HMCN2: variants seen among roughly 807,000 people sequenced by gnomAD.
HMCN2 encodes hemicentin 2.
HMCN2 carries 325 observed loss-of-function variants against 377.5 expected under a neutral mutation model. The observed-to-expected ratio is 0.86, with a 90% CI of 0.79 to 0.94. The LOEUF is 0.94. Among genes scored for constraint, HMCN2 ranks in the 40% least tolerant of loss-of-function variants. HMCN2 has a pLI of 0.00. For missense variants in HMCN2, 4,543 were observed against 4,725.3 expected, an observed-to-expected ratio of 0.96 and a Z score of 1.13; for synonymous variants, 2,007 against 2,046.8, an observed-to-expected ratio of 0.98 and a Z score of 0.53.
intron 25 of HMCN2, among the ~76,000 whole-genome samples, chr9:130,346,168 CA>C (rs1476262122): frequency 2.0e-5 from 3 of 152,074 alleles, no homozygotes; most frequent in Admixed American, 6.5e-5. Flanking sequence ...TGGCGGAGGT[CA>C]GGGGGCAGGT....
Position 130,432,442 on chromosome 9 carries a change from CGAG to C in HMCN2, c.14788_14790del (p.Glu4930del), listed in dbSNP as rs1844815145. ...TTCCCCATCCAGACATCAACGAGTG[CGAG>C]GAGGAGAGCATCGAGTGTGGACCCG... On this transcript the variant is annotated inframe_deletion, in exon 97 of 98. Coordinates refer to ENST00000683500, the MANE Select transcript of HMCN2 (RefSeq NM_001291815.2). The C allele has an allele frequency of 1.9e-6, 3 of 1,551,060 alleles. No individual in the cohort carries two copies. In the East Asian group the frequency reaches 7.3e-5, roughly 38 times the overall value.
intron 95 of HMCN2, 171 bp from the exon 96 acceptor site, chr9:130,431,196 G>A (rs117833767): frequency 0.041 from 27,275 of 668,530 alleles, 656 homozygotes; most frequent in Middle Eastern, 0.054. Context: ...CTCTCAGCAA[G>A]CACAGGGACT....
rs888167733 is a variant in HMCN2, at chr9:130,414,903, C to T, written c.12962-3869C>T. Among the ~76,000 whole-genome samples, 5 of 152,206 alleles carry T rather than the reference C, an allele frequency of 3.3e-5. No homozygotes were observed. The highest frequency in any genetic ancestry group is 1.2e-4 in the African/African-American group (5 of 41,458). On this transcript the variant is annotated intron_variant, in intron 85 of 97. Transcript: ENST00000683500. The surrounding 1 kb of genome is among the most constrained non-coding windows in gnomAD (Gnocchi z 4.4). ...GTGGTGGGATTACAGGCATGAACCACTGTGCCTGACCAAGACTGAACTGTC... is the reference window on the plus strand; with the variant it reads ...GTGGTGGGATTACAGGCATGAACCATTGTGCCTGACCAAGACTGAACTGTC...
intron 34 of HMCN2, among the ~76,000 whole-genome samples, 196 bp downstream of exon 34, chr9:130,356,453 T>G (rs1253007398): frequency 6.6e-6 from 1 of 152,150 alleles, no homozygotes; most frequent in African/African-American, 2.4e-5. Flanking sequence ...TTATCCTCAG[T>G]CCTGACCAGC....
intron 4 of HMCN2, among the ~76,000 whole-genome samples, chr9:130,292,992 A>ATCTATCTATCTG (rs1304304775): frequency 6.8e-6 from 1 of 146,398 alleles, no homozygotes; most frequent in Admixed American, 7.0e-5. Flanking sequence ...CTATCTATCT[A>ATCTATCTATCTG]TCTATCTACC....
chr9:130,417,532 A>C (rs1216157596), intron 85 of HMCN2, among the ~76,000 whole-genome samples: 1 of 146,120 alleles, frequency 6.8e-6, no homozygotes, highest in Non-Finnish European at 1.5e-5. Flanking sequence ...AAAAAAAAAA[A>C]AAAAACAAAA....
In HMCN2 at chr9:130,425,248, T is replaced by C. The variant is rs535689249; in HGVS notation, c.13641+118T>C. ...CTCCCTTCTGACAGCGCTGCAGGGC[T>C]GGGTCACAGTCTAGCCTTGGACTTA... On this transcript the variant is annotated intron_variant, in intron 89 of 97. Transcript: ENST00000683500. The C allele has an allele frequency of 6.9e-5, 82 of 1,184,138 alleles. 2 individuals carry two copies. The Middle Eastern group carries it at 2.3e-3, about 33-fold the overall frequency. 73.4% of individuals were successfully genotyped at this position (1,184,138 alleles called of 1,614,324 possible).
At chr9:130,378,242 T>C (rs1322622628) in intron 53 of HMCN2, among the ~76,000 whole-genome samples, 1 of 149,872 alleles carries the variant, frequency 6.7e-6, no homozygotes, top group African/African-American at 2.5e-5. Flanking sequence ...TTTTCCTTTT[T>C]AAAAAGTGAA....
intron 85 of HMCN2, among the ~76,000 whole-genome samples, chr9:130,413,170 C>CA (rs1159074012): frequency 4.6e-5 from 7 of 152,150 alleles, no homozygotes; most frequent in Non-Finnish European, 1.0e-4. Context: ...TGTAGAGATA[C>CA]AGTTGAATTG....
At position 130,348,568 on chromosome 9, in the gene HMCN2, G is replaced by A. The variant is rs773254708; in HGVS notation, c.4048G>A (p.Gly1350Arg). The change falls in exon 27 of 98, where the codon GGG (glycine) becomes AGG (arginine). Residue 1350 changes from glycine to arginine, a missense_variant. Transcript: ENST00000683500. ...VYVPPSIRED[G>R]RKANVSGMAG... The stretch of plus-strand genomic sequence containing the variant: ...AGTGCCCCCCAGCATCCGGGAGGAC[G>A]GGCGCAAGGCCAACGTGTCGGGTAT... 5.0e-5 allele frequency: 65 copies of A among 1,304,174 alleles called. No individual in the cohort carries two copies. In the South Asian group the frequency reaches 6.2e-4, roughly 12 times the overall value. The allele number at this position is 1,304,174 out of a possible 1,614,324, so 80.8% of individuals were successfully genotyped here. A position where few individuals can be genotyped will look rare whatever the true frequency, so the allele number is the denominator to read the frequency against.
chr9:130,372,450 C>T, intron 47 of HMCN2, 43 bp downstream of exon 47: 1 of 796,680 alleles, frequency 1.3e-6, no homozygotes, highest in Non-Finnish European at 1.5e-6. Context: ...ATGAACTCTT[C>T]CCCACTGCCT....
At chr9:130,292,120 G>T (rs1835812785) in intron 4 of HMCN2, among the ~76,000 whole-genome samples, 1 of 151,684 alleles carries the variant, frequency 6.6e-6, no homozygotes, top group South Asian at 2.1e-4. Flanking sequence ...TTTCCTAGTT[G>T]GTGCTGAGTG....
chr9:130,411,742 G>A (rs1255705483), intron 85 of HMCN2, among the ~76,000 whole-genome samples: 2 of 152,116 alleles, frequency 1.3e-5, no homozygotes, highest in Non-Finnish European at 2.9e-5. Flanking sequence ...GTTTATATGA[G>A]GGGCCTAGAG....
intron 43 of HMCN2, among the ~76,000 whole-genome samples, chr9:130,366,467 ATTTTTTTTTTTTTT>A (rs71499234): frequency 4.8e-5 from 4 of 82,978 alleles, no homozygotes; most frequent in Non-Finnish European, 8.7e-5. Flanking sequence ...CACTTCACCA[ATTTTTTTTTTTTTT>A]TTTTTTTTTT....
Position 130,379,301 on chromosome 9 carries a change from G to A in HMCN2, c.8265G>A (p.Leu2755=). 2.0e-6 allele frequency: 2 copies of A among 985,750 alleles called. No homozygotes were observed. Among genetic ancestry groups the A allele is most frequent in the Non-Finnish European group, 2.4e-6 (2 of 829,926 alleles). 61.1% of individuals were successfully genotyped at this position (985,750 alleles called of 1,614,324 possible). Residue 2755 remains leucine (L), a synonymous_variant, in exon 54 of 98, where the codon CTG becomes CTA. Coordinates refer to ENST00000683500, the MANE Select transcript of HMCN2 (RefSeq NM_001291815.2). ...VGDFSAAFEI[L]SREEEARGGV... ...ATTTCAGTGCAGCCTTCGAGATCCT[G>A]TCCCGGGAGGAGGAGGCCCGGGGCG... is the stretch of plus-strand genomic sequence containing the variant.
intron 22 of HMCN2, among the ~76,000 whole-genome samples, chr9:130,330,917 C>T (rs1838390052): frequency 2.0e-5 from 3 of 150,840 alleles, no homozygotes; most frequent in African/African-American, 7.3e-5. Context: ...ATCACGAGGT[C>T]AGGAGATCAA....
intron 19 of HMCN2, among the ~76,000 whole-genome samples, chr9:130,322,390 C>G (rs1837907330): frequency 6.6e-6 from 1 of 151,958 alleles, no homozygotes; most frequent in Admixed American, 6.6e-5. Flanking sequence ...ATCTATCCAT[C>G]TAATCTATCT....
chr9:130,370,268 C>A (rs1840943794), intron 45 of HMCN2, among the ~76,000 whole-genome samples: 3 of 152,138 alleles, frequency 2.0e-5, no homozygotes, highest in Non-Finnish European at 4.4e-5. Context: ...TTAAGCTGGA[C>A]CATAAAGGGT....
rs550433559 is a variant in HMCN2 at position 130,310,008 on chromosome 9, G to A, written c.2297G>A (p.Arg766Gln). Residue 766 changes from arginine (R) to glutamine (Q), a missense_variant, in exon 15 of 98, where the codon CGG becomes CAG. Physicochemically the swap from Arg to Gln is conservative, Grantham distance 43 (BLOSUM62 1). Coordinates refer to ENST00000683500, the MANE Select transcript of HMCN2 (RefSeq NM_001291815.2). ...AGGGATGCTGGCACCTACACCTGCCGGGCTGTCAATGAGTTGGGTGACGCC... is the reference window on the plus strand; with the variant it reads ...AGGGATGCTGGCACCTACACCTGCCAGGCTGTCAATGAGTTGGGTGACGCC... ...QERDAGTYTC[R>Q]AVNELGDASA... 9.4e-6 allele frequency: 5 copies of A among 533,952 alleles called. No homozygotes were observed. In the East Asian group the frequency reaches 1.6e-4, roughly 18 times the overall value. 33.1% of individuals were successfully genotyped at this position (533,952 alleles called of 1,614,324 possible).
Sources: allele counts gnomAD v4.1 joint callset (sites outside exome capture counted in the v4.1 genomes callset), GRCh38; gene constraint gnomAD v4.1.1; non-coding constraint Gnocchi (gnomAD v3.1); transcripts MANE v1.5; gene names NCBI Gene and HGNC (gene_info 2026-07-23, HGNC 2026-07-21).